The following PLEKHH2 variants were observed in gnomAD, a reference collection of about 807,000 sequenced individuals.
PLEKHH2 encodes pleckstrin homology, MyTH4 and FERM domain containing H2.
In PLEKHH2, 129 loss-of-function variants were observed where a neutral mutation model predicts 187.9. That is an observed-to-expected ratio of 0.69 (90% confidence interval 0.59 to 0.79). The LOEUF (loss-of-function observed/expected upper bound fraction) is 0.79. Among genes scored for constraint, PLEKHH2 ranks in the 30% least tolerant of loss-of-function variants. The probability of loss-of-function intolerance (pLI) is 0.00; values close to 1 mark genes in which losing one functional copy is unlikely to be tolerated. For missense variants in PLEKHH2, 2,076 were observed against 1,751.2 expected (o/e 1.19, Z -3.31); for synonymous variants, 686 against 605.6 (o/e 1.13, Z -1.95).
intron 17 of PLEKHH2, among the ~76,000 whole-genome samples, chr2:43,729,291 AC>A (rs1238884454): frequency 6.6e-6 from 1 of 152,112 alleles, no homozygotes; most frequent in Non-Finnish European, 1.5e-5. Context: ...TGTATGTATC[AC>A]TCTGGGAGCC....
At chr2:43,752,670 G>A (rs1672054714) in intron 24 of PLEKHH2, among the ~76,000 whole-genome samples, 2 of 152,190 alleles carry the variant, frequency 1.3e-5, no homozygotes, top group South Asian at 2.1e-4. Flanking sequence ...ATTCAGGTGT[G>A]TCAAGATGTT....
At chr2:43,673,629 T>G (rs1574511971) in intron 2 of PLEKHH2, among the ~76,000 whole-genome samples, 1 of 152,194 alleles carries the variant, frequency 6.6e-6, no homozygotes, top group African/African-American at 2.4e-5. Context: ...CTTAAAAAAT[T>G]TCTATGTAAC....
chr2:43,725,551 G>A (rs79651096), intron 16 of PLEKHH2, among the ~76,000 whole-genome samples: 4 of 152,144 alleles, frequency 2.6e-5, no homozygotes, highest in African/African-American at 9.7e-5. Flanking sequence ...CTATCTTTGA[G>A]CTGCGTTTTT....
intron 24 of PLEKHH2, among the ~76,000 whole-genome samples, chr2:43,750,607 T>A (rs530173126): frequency 6.6e-6 from 1 of 152,344 alleles, no homozygotes; most frequent in South Asian, 2.1e-4. Flanking sequence ...GCCTTATTCT[T>A]AACTCTTTGT....
intron 19 of PLEKHH2, among the ~76,000 whole-genome samples, 162 bp from the exon 20 acceptor site, chr2:43,738,176 CTAT>C (rs1193652802): frequency 1.3e-5 from 2 of 152,144 alleles, no homozygotes; most frequent in Admixed American, 6.5e-5. Context: ...GCTTTGTCTG[CTAT>C]TATTGTGGCG....
At chr2:43,748,801 G>A (rs906683999) in intron 24 of PLEKHH2, among the ~76,000 whole-genome samples, 2 of 151,362 alleles carry the variant, frequency 1.3e-5, no homozygotes, top group African/African-American at 4.9e-5. Context: ...TTGCTGCCCA[G>A]GCTGGAGTGC....
Position 43,753,769 on chromosome 2 carries a change from C to T in PLEKHH2, c.3795+9C>T. On this transcript the variant is annotated intron_variant, in intron 25 of 29. Coordinates refer to ENST00000282406, the MANE Select transcript of PLEKHH2 (RefSeq NM_172069.4). ...CAGCTCTTTTATCTCAGGTAACTTC[C>T]ATGTTATATGGAGTAATATATTGAA... 3 of 1,560,144 alleles carry T rather than the reference C, an allele frequency of 1.9e-6. No homozygotes were observed. The South Asian group carries it at 3.7e-5, about 19-fold the overall frequency.
rs72870419 is a variant in PLEKHH2 at position 43,654,120 on chromosome 2, T to C, written c.123+9324T>C. 7.4e-4 allele frequency among the ~76,000 whole-genome samples: 112 copies of C among 152,298 alleles called. 1 individual carries two copies. Among genetic ancestry groups the C allele is most frequent in the African/African-American group, 2.6e-3 (108 of 41,572 alleles). On this transcript the variant is annotated intron_variant, in intron 2 of 29. Transcript: ENST00000282406. ...ATGTTACTTAAAACATGAAGGCAAA[T>C]ATTAAAAGAATTGGCTAAAAGAGTA...
chr2:43,675,410 C>G (rs754668514), intron 2 of PLEKHH2: 6 of 1,603,778 alleles, frequency 3.7e-6, no homozygotes, highest in Non-Finnish European at 4.3e-6. Flanking sequence ...GGCAAGAAAA[C>G]GAGTGTGTCA....
chr2:43,700,739 A>C, intron 8 of PLEKHH2, 131 bp downstream of exon 8: 8 of 1,181,468 alleles, frequency 6.8e-6, no homozygotes, highest in Non-Finnish European at 9.4e-6. Flanking sequence ...TGCAACCTCC[A>C]TCTCCCGGGT....
chr2:43,734,370 C>A (rs537913746), intron 19 of PLEKHH2, among the ~76,000 whole-genome samples: 25 of 152,242 alleles, frequency 1.6e-4, no homozygotes, highest in African/African-American at 6.0e-4. Context: ...AATCCAGCAT[C>A]ATTTAAAGAA....
At chr2:43,727,794 A>G (rs182576556) in intron 17 of PLEKHH2, among the ~76,000 whole-genome samples, 36 of 152,246 alleles carry the variant, frequency 2.4e-4, no homozygotes, top group Non-Finnish European at 4.0e-4. Context: ...TTAGACCCCT[A>G]TCTCTAACCA....
At chr2:43,648,499 T>C (rs935839431) in intron 2 of PLEKHH2, among the ~76,000 whole-genome samples, 2 of 149,528 alleles carry the variant, frequency 1.3e-5, no homozygotes, top group East Asian at 4.1e-4. Flanking sequence ...TTTTCCTGTG[T>C]CTTTCTGAAT....
rs566042471 is a variant in PLEKHH2, at chr2:43,731,920, G to T, written c.2943+318G>T. Reference sequence around the variant, plus strand: ...ACACCAGGCACAGCAATGGGAGAGGGGTCAGCACTCTCTCTCCTCTCTAGT... The same window carrying T: ...ACACCAGGCACAGCAATGGGAGAGGTGTCAGCACTCTCTCTCCTCTCTAGT... On this transcript the variant is annotated intron_variant, in intron 19 of 29. Coordinates refer to ENST00000282406, the MANE Select transcript of PLEKHH2 (RefSeq NM_172069.4). Among the ~76,000 whole-genome samples the T allele has an allele frequency of 4.7e-4, 72 of 152,132 alleles. 1 individual carries two copies. The highest frequency in any genetic ancestry group is 1.5e-3 in the South Asian group (7 of 4,802).
intron 28 of PLEKHH2, among the ~76,000 whole-genome samples, chr2:43,763,202 A>G (rs186690235): frequency 1.3e-5 from 2 of 152,334 alleles, no homozygotes; most frequent in East Asian, 3.9e-4. Flanking sequence ...AAAAACAAAC[A>G]AACCAAAAAA....
chr2:43,749,120 G>C (rs575289215), intron 24 of PLEKHH2, among the ~76,000 whole-genome samples: 85 of 152,164 alleles, frequency 5.6e-4, no homozygotes, highest in Non-Finnish European at 9.4e-4. Context: ...GAGTATGATG[G>C]CTATGATTGG....
rs773913052 is a variant in PLEKHH2, at chr2:43,738,495, C to T, written c.3098C>T (p.Pro1033Leu). 6.2e-7 allele frequency: 1 copy of T among 1,612,608 alleles called. No individual in the cohort carries two copies. Among genetic ancestry groups the T allele is most frequent in the South Asian group, 1.1e-5 (1 of 90,884 alleles). ...ATTAAACAGACAAGACGAAGACAGC[C>T]ACAGAATCAACCAGGACCATTGCAG... ...QLIKQTRRRQ[P>L]QNQPGPLQGW... Residue 1033 changes from proline (P) to leucine (L), a missense_variant, in exon 20 of 30, where the codon CCA becomes CTA. By Grantham distance (98) the Pro-to-Leu change is moderately conservative. Coordinates refer to ENST00000282406, the MANE Select transcript of PLEKHH2 (RefSeq NM_172069.4).
At chr2:43,669,270 G>C (rs1440200760) in intron 2 of PLEKHH2, among the ~76,000 whole-genome samples, 2 of 152,164 alleles carry the variant, frequency 1.3e-5, no homozygotes, top group African/African-American at 2.4e-5. Flanking sequence ...ATGGAAAAAG[G>C]TATTCAGCCT....
Position 43,699,148 on chromosome 2 carries a change from T to G in PLEKHH2, c.689-499T>G, listed in dbSNP as rs189836264. Among the ~76,000 whole-genome samples, 4 of 152,176 alleles carry G rather than the reference T, an allele frequency of 2.6e-5. No individual in the cohort carries two copies. The East Asian group carries it at 7.7e-4, about 29-fold the overall frequency. On this transcript the variant is annotated intron_variant, in intron 7 of 29. Coordinates refer to ENST00000282406, the MANE Select transcript of PLEKHH2 (RefSeq NM_172069.4). ...TTTTTTTGGTGACTGCTTTCTTTGA[T>G]AGTGAAAGTTGCCCTGTTTCACATT... is the stretch of plus-strand genomic sequence containing the variant.
Sources: allele counts gnomAD v4.1 joint callset (sites outside exome capture counted in the v4.1 genomes callset), GRCh38; gene constraint gnomAD v4.1.1; transcripts MANE v1.5; gene names NCBI Gene and HGNC (gene_info 2026-07-23, HGNC 2026-07-21).